CHRM3: variants seen among roughly 807,000 people sequenced by gnomAD.
The protein encoded by CHRM3 is cholinergic receptor muscarinic 3.
Under a neutral mutation model 41.8 loss-of-function variants are expected in CHRM3, and 11 were observed. The observed-to-expected ratio is 0.26, with a 90% CI of 0.17 to 0.44. The LOEUF (loss-of-function observed/expected upper bound fraction) is 0.44, where lower values mean the gene tolerates loss of function less well. Ranked by LOEUF, CHRM3 falls within the 20% of genes least tolerant of loss-of-function variation. The pLI is 1.00. For missense variants in CHRM3, 571 were observed against 745.4 expected, an observed-to-expected ratio of 0.77 and a Z score of 2.72; for synonymous variants, 297 against 301.4, an observed-to-expected ratio of 0.99 and a Z score of 0.15.
At chr1:239,649,568 G>T (rs1011849436) in intron 4 of CHRM3, among the ~76,000 whole-genome samples, 8 of 152,172 alleles carry the variant, frequency 5.3e-5, no homozygotes, top group African/African-American at 1.9e-4. Context: ...TATGATAGTG[G>T]CTGTGGAACA....
chr1:239,501,712 G>T (rs1668251916), intron 2 of CHRM3, among the ~76,000 whole-genome samples: 2 of 152,062 alleles, frequency 1.3e-5, no homozygotes, highest in Non-Finnish European at 2.9e-5. Context: ...AAAAAAATTA[G>T]CTGGGTGTGG....
chr1:239,799,835 C>T (rs1346849451), intron 5 of CHRM3, among the ~76,000 whole-genome samples: 2 of 152,092 alleles, frequency 1.3e-5, no homozygotes, highest in Non-Finnish European at 2.9e-5. Flanking sequence ...TCTCAATGAA[C>T]CCATGAATTA....
intron 5 of CHRM3, among the ~76,000 whole-genome samples, chr1:239,798,246 CTGTT>C (rs1558131690): frequency 6.6e-6 from 1 of 152,102 alleles, no homozygotes. Flanking sequence ...TGTTAATCAG[CTGTT>C]TGTTACCATT....
chr1:239,500,726 CAACA>C (rs2148130234), intron 2 of CHRM3, among the ~76,000 whole-genome samples: 1 of 150,724 alleles, frequency 6.6e-6, no homozygotes, highest in South Asian at 2.1e-4. Flanking sequence ...ACAACAACAA[CAACA>C]AAGTACACAG....
intron 6 of CHRM3, among the ~76,000 whole-genome samples, chr1:239,864,367 C>T (rs749036418): frequency 2.0e-5 from 3 of 152,004 alleles, no homozygotes; most frequent in Non-Finnish European, 2.9e-5. Flanking sequence ...ATTAGCCAGG[C>T]GTGGTGGCAC....
At chr1:239,833,971 A>C (rs1157656569) in intron 6 of CHRM3, among the ~76,000 whole-genome samples, 1 of 152,174 alleles carries the variant, frequency 6.6e-6, no homozygotes, top group East Asian at 1.9e-4. Context: ...AGTCTATACA[A>C]CAGCAGCAGG....
chr1:239,545,018 A>C (rs1659155177), intron 2 of CHRM3, among the ~76,000 whole-genome samples: 1 of 148,956 alleles, frequency 6.7e-6, no homozygotes, highest in African/African-American at 2.4e-5. Context: ...ATTTGTGGTG[A>C]AGACTAAATG....
intron 1 of CHRM3, among the ~76,000 whole-genome samples, chr1:239,406,370 AT>A (rs1402476568): frequency 6.6e-6 from 1 of 152,094 alleles, no homozygotes; most frequent in African/African-American, 2.4e-5. Flanking sequence ...CAAACGCTTT[AT>A]TTTCCAGTGA....
At chr1:239,409,942 A>G (rs923059106) in intron 1 of CHRM3, among the ~76,000 whole-genome samples, 2 of 152,062 alleles carry the variant, frequency 1.3e-5, no homozygotes, top group Admixed American at 6.5e-5. Flanking sequence ...CTCCGTCTCA[A>G]CAAAAACAAA....
intron 3 of CHRM3, among the ~76,000 whole-genome samples, chr1:239,570,878 A>G (rs1313155829): frequency 6.6e-6 from 1 of 152,192 alleles, no homozygotes; most frequent in Non-Finnish European, 1.5e-5. Flanking sequence ...CCTCCCATCT[A>G]GAAAATCACT....
chr1:239,861,141 TGTTA>T (rs370871182), intron 6 of CHRM3, among the ~76,000 whole-genome samples: 2 of 152,314 alleles, frequency 1.3e-5, no homozygotes, highest in East Asian at 3.9e-4. Flanking sequence ...CCAGGCATCC[TGTTA>T]GACCCTAGGG....
At chr1:239,456,789 A>G (rs1186831701) in intron 1 of CHRM3, among the ~76,000 whole-genome samples, 1 of 152,204 alleles carries the variant, frequency 6.6e-6, no homozygotes, top group African/African-American at 2.4e-5. Context: ...AAAGTACAAC[A>G]GCTTGAGGCT....
intron 2 of CHRM3, among the ~76,000 whole-genome samples, chr1:239,500,304 A>G (rs915636741): frequency 2.0e-5 from 3 of 152,154 alleles, no homozygotes; most frequent in African/African-American, 7.2e-5. Flanking sequence ...GGATGAGTTC[A>G]TGTCCTTTGC....
In CHRM3 at chr1:239,394,152, G is replaced by A. The variant is rs1156545684; in HGVS notation, c.-521+6925G>A. ...GTTGGAAGGGGATGTTAGATGTTGCGTGAATTTCTTAGGTTTTAAAACAGA... is the reference window on the plus strand; with the variant it reads ...GTTGGAAGGGGATGTTAGATGTTGCATGAATTTCTTAGGTTTTAAAACAGA... On this transcript the variant is annotated intron_variant, in intron 1 of 6. Transcript: ENST00000676153. Among the ~76,000 whole-genome samples, 4 of 152,186 alleles carry A rather than the reference G, an allele frequency of 2.6e-5. No homozygotes were observed. The East Asian group carries it at 7.7e-4, about 29-fold the overall frequency.
chr1:239,588,292 T>A (rs1663637307), intron 3 of CHRM3, among the ~76,000 whole-genome samples: 1 of 152,188 alleles, frequency 6.6e-6, no homozygotes, highest in South Asian at 2.1e-4. Context: ...CTGTGTGTTC[T>A]GTTAGAGATG....
At chr1:239,414,486 G>T (rs760533298) in intron 1 of CHRM3, among the ~76,000 whole-genome samples, 1 of 152,164 alleles carries the variant, frequency 6.6e-6, no homozygotes, top group African/African-American at 2.4e-5. Context: ...ATTTGTCTGC[G>T]CTGTGTGACA....
At chr1:239,430,715 G>A (rs564418623) in intron 1 of CHRM3, among the ~76,000 whole-genome samples, 1 of 150,016 alleles carries the variant, frequency 6.7e-6, no homozygotes, top group Non-Finnish European at 1.5e-5. Context: ...ACACACATAT[G>A]TATGCACACA....
chr1:239,834,285 C>A (rs1193063186), intron 6 of CHRM3, among the ~76,000 whole-genome samples: 2 of 150,748 alleles, frequency 1.3e-5, no homozygotes, highest in African/African-American at 4.9e-5. Context: ...TACCATAATA[C>A]CCACGTTTCT....
chr1:239,435,843 A>G (rs1398865306), intron 1 of CHRM3, among the ~76,000 whole-genome samples: 6 of 152,188 alleles, frequency 3.9e-5, no homozygotes, highest in East Asian at 3.9e-4. Flanking sequence ...CAAAATATTT[A>G]TCTATAAGGC....
Sources: gnomAD v4.1 joint callset for allele counts (sites outside exome capture counted in the v4.1 genomes callset) on GRCh38, gnomAD v4.1.1 for gene constraint, MANE v1.5 for transcripts, NCBI Gene and HGNC (gene_info 2026-07-23, HGNC 2026-07-21) for gene names.